TMX2: variants seen among roughly 807,000 people sequenced by gnomAD.
The protein encoded by TMX2 is thioredoxin-related transmembrane protein 2.
TMX2 carries 20 observed loss-of-function variants against 33.4 expected under a neutral mutation model. That is an observed-to-expected ratio of 0.60 (90% CI 0.42 to 0.87). The LOEUF is 0.87. Ranked by LOEUF, TMX2 falls within the 40% of genes least tolerant of loss-of-function variation. The pLI, the probability that TMX2 is intolerant of heterozygous loss-of-function variation, is 0.00. For missense variants in TMX2, 340 were observed against 370.7 expected (o/e 0.92, Z 0.68); for synonymous variants, 166 against 140.7 (o/e 1.18, Z -1.27).
chr11:57,740,188 G>C lies in TMX2; in HGVS notation c.834G>C (p.Gln278His). 6.2e-7 allele frequency: 1 copy of C among 1,613,858 alleles called. No individual in the cohort carries two copies. Among genetic ancestry groups the C allele is most frequent in the East Asian group, 2.2e-5 (1 of 44,878 alleles). The part of the protein sequence containing the change: ...SKAGDNIPEE[Q>H]PVASTPTTVS... ...CTGGAGACAATATCCCTGAGGAGCA[G>C]CCTGTGGCTTCAACCCCCACCACAG... The change falls in exon 8 of 8, where the codon CAG (glutamine) becomes CAC (histidine). Residue 278 changes from glutamine to histidine, a missense_variant. By Grantham distance (24) the Gln-to-His change is conservative. Transcript: ENST00000278422.
At chr11:57,714,100 GGT>G (rs923399091) in intron 1 of TMX2, among the ~76,000 whole-genome samples, 13 of 152,120 alleles carry the variant, frequency 8.5e-5, no homozygotes, top group African/African-American at 3.1e-4. Flanking sequence ...CATATTTTGG[GGT>G]GTGAGTCCCT....
intron 4 of TMX2, 27 bp downstream of exon 4, chr11:57,738,457 C>A (rs1275979410): frequency 1.3e-6 from 2 of 1,548,162 alleles, no homozygotes; most frequent in Non-Finnish European, 1.8e-6. Context: ...CTTTCTGTTT[C>A]TTGGGTCCCT....
At chr11:57,722,690 C>T (rs960758897) in intron 1 of TMX2, among the ~76,000 whole-genome samples, 2 of 152,100 alleles carry the variant, frequency 1.3e-5, no homozygotes, top group Admixed American at 6.5e-5. Flanking sequence ...ATTTACATAA[C>T]CTTGGTAAAA....
chr11:57,721,345 G>GT (rs71061532), intron 1 of TMX2, among the ~76,000 whole-genome samples: 324 of 105,214 alleles, frequency 3.1e-3, no homozygotes, highest in East Asian at 5.3e-3. Flanking sequence ...AATAAATAAA[G>GT]TTTTTTTTTT....
At chr11:57,718,653 C>CTTT (rs35097323) in intron 1 of TMX2, 132 of 208,798 alleles carry the variant, frequency 6.3e-4, no homozygotes, top group East Asian at 1.2e-3. Context: ...AACCCCCCCT[C>CTTT]TTTTTTTTTT....
Position 57,712,769 on chromosome 11 carries a change from A to C in TMX2, c.151A>C (p.Thr51Pro), listed in dbSNP as rs777248265. 3.1e-6 allele frequency: 5 copies of C among 1,613,956 alleles called. No homozygotes were observed. Among genetic ancestry groups the C allele is most frequent in the Non-Finnish European group, 4.2e-6 (5 of 1,180,022 alleles). Residue 51 changes from threonine (T) to proline (P), a missense_variant, in exon 1 of 8, where the codon ACC (threonine) becomes CCC (proline). Transcript: ENST00000278422. ...KLPPLCHGLP[T>P]QREDGNPCDF... ...GCCGCCGCTCTGCCACGGTCTGCCC[A>C]CCCAACGCGAAGACGGTAACCCGTG...
chr11:57,712,640 A>T lies in TMX2; in HGVS notation c.22A>T (p.Ile8Phe). The T allele has an allele frequency of 6.2e-7, 1 of 1,613,912 alleles. No individual in the cohort carries two copies. Among genetic ancestry groups the T allele is most frequent in the African/African-American group, 1.3e-5 (1 of 75,016 alleles). Reference sequence around the variant, plus strand: ...AAAGATGGCGGTCTTGGCACCTCTAATTGCTCTCGTGTATTCGGTGCCGCG... The same window carrying T: ...AAAGATGGCGGTCTTGGCACCTCTATTTGCTCTCGTGTATTCGGTGCCGCG... MAVLAPL[I>F]ALVYSVPRLS... Residue 8 changes from isoleucine to phenylalanine, a missense_variant, in exon 1 of 8, where the codon ATT becomes TTT. By Grantham distance (21) the Ile-to-Phe change is conservative. Around this residue, in one of 3 missense-constraint regions of TMX2, gnomAD observed 106 missense variants for 82.7 expected, o/e 1.28. Transcript: ENST00000278422.
chr11:57,716,426 C>G (rs1590902171), intron 1 of TMX2, among the ~76,000 whole-genome samples: 1 of 132,652 alleles, frequency 7.5e-6, no homozygotes, highest in Non-Finnish European at 1.7e-5. Flanking sequence ...GACGGGGCGG[C>G]TGGCCGGGCG....
At chr11:57,735,128 T>C (rs1343565363) in intron 1 of TMX2, among the ~76,000 whole-genome samples, 1 of 151,640 alleles carries the variant, frequency 6.6e-6, no homozygotes, top group Admixed American at 6.6e-5. Context: ...AGAGTCCGTC[T>C]CAAAAAAAAG....
chr11:57,717,814 A>G (rs1362312867), intron 1 of TMX2, among the ~76,000 whole-genome samples: 1 of 150,544 alleles, frequency 6.6e-6, no homozygotes, highest in Non-Finnish European at 1.5e-5. Context: ...TTCTTTCCCT[A>G]GCTTTTTATT....
chr11:57,729,299 G>A (rs1948202769), intron 1 of TMX2, among the ~76,000 whole-genome samples: 1 of 152,056 alleles, frequency 6.6e-6, no homozygotes. Flanking sequence ...AGGTCAAACT[G>A]AAAACTATAG....
chr11:57,717,108 G>A (rs9667675), intron 1 of TMX2, among the ~76,000 whole-genome samples: 36,944 of 147,366 alleles, frequency 0.25, 5,119 homozygotes, highest in Non-Finnish European at 0.33. Flanking sequence ...GACGATGGGC[G>A]GCCGGGCAGA....
chr11:57,726,069 TAA>T (rs1208813426), intron 1 of TMX2, among the ~76,000 whole-genome samples: 5 of 152,154 alleles, frequency 3.3e-5, no homozygotes, highest in Non-Finnish European at 1.5e-5. Context: ...CTAATTGCTA[TAA>T]GTCTGTAACA....
rs1382797242 is a variant in TMX2, at chr11:57,740,410, C to T, written c.*165C>T. ...GAGGCATCTAGGGAATTGTCAGGCA[C>T]CCTACAGGAAGGCCTGCCATGCTGT... On this transcript the variant is annotated 3_prime_UTR_variant, in exon 8 of 8. Transcript: ENST00000278422. 7 of 828,038 alleles carry T rather than the reference C, an allele frequency of 8.5e-6. No individual in the cohort carries two copies. Among genetic ancestry groups the T allele is most frequent in the African/African-American group, 7.1e-5 (4 of 56,458 alleles). The allele number at this position is 828,038 out of a possible 1,614,324, so 51.3% of individuals were successfully genotyped here.
At chr11:57,714,554 T>G (rs1377407852) in intron 1 of TMX2, among the ~76,000 whole-genome samples, 1 of 152,172 alleles carries the variant, frequency 6.6e-6, no homozygotes, top group African/African-American at 2.4e-5. Context: ...GTTGACTAGC[T>G]TTAGCTGGTA....
intron 1 of TMX2, among the ~76,000 whole-genome samples, chr11:57,721,299 T>G (rs2135508022): frequency 6.6e-6 from 1 of 151,360 alleles, no homozygotes; most frequent in East Asian, 1.9e-4. Flanking sequence ...AGACTCCATC[T>G]CCAATCAATC....
At chr11:57,724,557 C>T (rs1484581822) in intron 1 of TMX2, among the ~76,000 whole-genome samples, 5 of 151,458 alleles carry the variant, frequency 3.3e-5, no homozygotes, top group Non-Finnish European at 7.4e-5. Context: ...AGATGCAACC[C>T]CATGCTGGGA....
intron 1 of TMX2, among the ~76,000 whole-genome samples, chr11:57,723,805 A>AAAAAATAATAAT (rs1555017775): frequency 7.0e-6 from 1 of 142,342 alleles, no homozygotes; most frequent in African/African-American, 2.6e-5. Context: ...TCTGTCTCAA[A>AAAAAATAATAAT]AATAATAATA....
At chr11:57,724,422 G>A (rs1314773299) in intron 1 of TMX2, among the ~76,000 whole-genome samples, 1 of 152,054 alleles carries the variant, frequency 6.6e-6, no homozygotes, top group East Asian at 1.9e-4. Flanking sequence ...CACCAAATAT[G>A]TCTATTACCC....
Sources: gnomAD v4.1 joint callset for allele counts (sites outside exome capture counted in the v4.1 genomes callset) on GRCh38, gnomAD v4.1.1 for gene constraint, gnomAD v4.1.1 regional missense constraint, MANE v1.5 for transcripts, NCBI Gene and HGNC (gene_info 2026-07-23, HGNC 2026-07-21) for gene names.